FAM162B: variants seen among roughly 807,000 people sequenced by gnomAD.
The protein encoded by FAM162B is family with sequence similarity 162 member B.
Under a neutral mutation model 20.0 loss-of-function variants are expected in FAM162B, and 16 were observed. That is an observed-to-expected ratio of 0.80 (90% CI 0.54 to 1.21). The LOEUF (loss-of-function observed/expected upper bound fraction) is 1.21, where lower values mean the gene tolerates loss of function less well. Ranked by LOEUF, FAM162B falls within the 50% of genes most tolerant of loss-of-function variation. The probability of loss-of-function intolerance (pLI) is 0.00; values close to 1 mark genes in which losing one functional copy is unlikely to be tolerated. For synonymous variants in FAM162B, 83 were observed against 89.7 expected (o/e 0.93, Z 0.42); for missense variants, 260 against 227.5 (o/e 1.14, Z -0.92).
intron 3 of FAM162B, 35 bp from the exon 4 acceptor site, chr6:116,752,730 ATATAGATACACG>A: frequency 1.7e-6 from 1 of 598,090 alleles, no homozygotes. Context: ...ATATATATAT[ATATAGATACACG>A]TATATATATA....
chr6:116,765,272 C>T lies in FAM162B; in HGVS notation c.173-17G>A, dbSNP rs375179398. Reference sequence around the variant, plus strand: ...GAATCTCCCCTGCAGCGAAAGCAACCCAGATGGACGCGGGAACTGACGCAC... The same window carrying T: ...GAATCTCCCCTGCAGCGAAAGCAACTCAGATGGACGCGGGAACTGACGCAC... On this transcript the variant is annotated splice_polypyrimidine_tract_variant and intron_variant, in intron 1 of 3. Coordinates refer to ENST00000368557, the MANE Select transcript of FAM162B (RefSeq NM_001085480.3). The T allele has an allele frequency of 7.4e-6, 12 of 1,611,492 alleles. No individual in the cohort carries two copies. The African/African-American group carries it at 1.6e-4, about 22-fold the overall frequency.
At chr6:116,760,811 G>A (rs1246331897) in intron 3 of FAM162B, among the ~76,000 whole-genome samples, 2 of 152,090 alleles carry the variant, frequency 1.3e-5, no homozygotes, top group Non-Finnish European at 2.9e-5. Context: ...AATATCAGTA[G>A]GCTTGTAAGT....
At chr6:116,760,338 C>A (rs1780125754) in intron 3 of FAM162B, among the ~76,000 whole-genome samples, 1 of 152,002 alleles carries the variant, frequency 6.6e-6, no homozygotes, top group African/African-American at 2.4e-5. Flanking sequence ...GGAATTTTAA[C>A]AGGAAATGAA....
Position 116,752,579 on chromosome 6 carries a change from A to C in FAM162B, c.*18T>G. ...TGACAGGGATGGTATTCAGGTGAAC[A>C]CTTTGTCACTTAGAATATCATTTAG... On this transcript the variant is annotated 3_prime_UTR_variant, in exon 4 of 4. Coordinates refer to ENST00000368557, the MANE Select transcript of FAM162B (RefSeq NM_001085480.3). The C allele has an allele frequency of 6.7e-7, 1 of 1,482,912 alleles. No homozygotes were observed. Among genetic ancestry groups the C allele is most frequent in the Non-Finnish European group, 9.2e-7 (1 of 1,082,104 alleles). 91.9% of individuals were successfully genotyped at this position (1,482,912 alleles called of 1,614,324 possible). A position where few individuals can be genotyped will look rare whatever the true frequency, so the allele number is the denominator to read the frequency against.
intron 3 of FAM162B, among the ~76,000 whole-genome samples, chr6:116,757,455 C>T (rs1031757437): frequency 4.6e-5 from 7 of 151,944 alleles, no homozygotes; most frequent in African/African-American, 1.7e-4. Flanking sequence ...AAACAAAGTA[C>T]AATTTATTGG....
chr6:116,761,051 G>A (rs1176158297), intron 3 of FAM162B, among the ~76,000 whole-genome samples: 8 of 152,184 alleles, frequency 5.3e-5, no homozygotes, highest in East Asian at 1.9e-4. Flanking sequence ...CAGGTGCCAC[G>A]ATGAGGAGGG....
intron 3 of FAM162B, among the ~76,000 whole-genome samples, chr6:116,755,507 G>GCAGCAAGTGCTAATAGAGAAGCTA (rs1425561874): frequency 6.6e-6 from 1 of 152,238 alleles, no homozygotes; most frequent in Non-Finnish European, 1.5e-5. Flanking sequence ...GCAAGGTGAA[G>GCAGCAAGTGCTAATAGAGAAGCTA]CAGCAAGTGC....
At chr6:116,756,250 A>T (rs1407876048) in intron 3 of FAM162B, among the ~76,000 whole-genome samples, 2 of 152,206 alleles carry the variant, frequency 1.3e-5, no homozygotes, top group African/African-American at 4.8e-5. Flanking sequence ...GACGAAGCTG[A>T]TTCCAATCCT....
Position 116,761,993 on chromosome 6 carries a change from A to G in FAM162B, c.374T>C (p.Ile125Thr), listed in dbSNP as rs1206564487. ...GLTIIACFAV[I>T]VSAKRAVERH... is the part of the protein sequence containing the mutation. ...GATACTCACCCTTTTGGCTGACACTATCACAGCAAAGCAGGCGATAATTGT... is the reference window on the plus strand; with the variant it reads ...GATACTCACCCTTTTGGCTGACACTGTCACAGCAAAGCAGGCGATAATTGT... The change falls in exon 3 of 4, where the codon ATA becomes ACA. Residue 125 changes from isoleucine to threonine, a missense_variant. Transcript: ENST00000368557. 1.9e-6 allele frequency: 3 copies of G among 1,598,118 alleles called. No homozygotes were observed. Among genetic ancestry groups the G allele is most frequent in the Admixed American group, 1.7e-5 (1 of 59,626 alleles).
chr6:116,752,606 T>G lies in FAM162B; in HGVS notation c.480A>C (p.Lys160Asn), dbSNP rs760706694. 9.4e-6 allele frequency: 15 copies of G among 1,590,022 alleles called. 1 individual carries two copies. The South Asian group carries it at 1.6e-4, about 17-fold the overall frequency. ...REEAALAAQAKAK is the reference protein window; with the variant it reads ...REEAALAAQANAK The stretch of plus-strand genomic sequence containing the variant: ...TTTGTCACTTAGAATATCATTTAGC[T>G]TTAGCCTGTGCAGCCAATGCAGCTT... The change falls in exon 4 of 4, where the codon AAA becomes AAC. Residue 160 changes from lysine (K) to asparagine (N), a missense_variant. Transcript: ENST00000368557.
At chr6:116,754,587 TG>T (rs1000534481) in intron 3 of FAM162B, among the ~76,000 whole-genome samples, 6 of 152,210 alleles carry the variant, frequency 3.9e-5, no homozygotes, top group African/African-American at 1.4e-4. Flanking sequence ...TGTCAGGAGT[TG>T]GAGATATCTT....
chr6:116,757,526 G>A (rs934248319), intron 3 of FAM162B, among the ~76,000 whole-genome samples: 5 of 152,042 alleles, frequency 3.3e-5, no homozygotes, highest in African/African-American at 1.2e-4. Context: ...CAGGAGGATC[G>A]CTTTGAGTTT....
chr6:116,761,557 T>C (rs1780141878), intron 3 of FAM162B, among the ~76,000 whole-genome samples: 1 of 150,770 alleles, frequency 6.6e-6, no homozygotes, highest in Non-Finnish European at 1.5e-5. Flanking sequence ...GGCCATATAG[T>C]GTTAATTTGT....
In FAM162B at chr6:116,765,437, C is replaced by A; in HGVS notation, c.140G>T (p.Gly47Val). The A allele has an allele frequency of 6.9e-7, 1 of 1,448,388 alleles. No individual in the cohort carries two copies. The highest frequency in any genetic ancestry group is 1.4e-5 in the African/African-American group (1 of 69,266). 89.7% of individuals were successfully genotyped at this position (1,448,388 alleles called of 1,614,324 possible). A position where few individuals can be genotyped will look rare whatever the true frequency, so the allele number is the denominator to read the frequency against. Residue 47 changes from glycine (G) to valine (V), a missense_variant, in exon 1 of 4, where the codon GGG becomes GTG. Physicochemically the swap from Gly to Val is moderately radical, Grantham distance 109. Coordinates refer to ENST00000368557, the MANE Select transcript of FAM162B (RefSeq NM_001085480.3). ...TTGGGGCCCAGAATTGCTGGGGGCCCCGCCGCTGGAGTAGCAGGGGAGACC... is the reference window on the plus strand; with the variant it reads ...TTGGGGCCCAGAATTGCTGGGGGCCACGCCGCTGGAGTAGCAGGGGAGACC... ...PRGLPCYSSG[G>V]APSNSGPQGH...
chr6:116,752,575 G>T lies in FAM162B; in HGVS notation c.*22C>A. 1 of 1,424,556 alleles carries T rather than the reference G, an allele frequency of 7.0e-7. No individual in the cohort carries two copies. The highest frequency in any genetic ancestry group is 9.7e-7 in the Non-Finnish European group (1 of 1,034,288). 88.2% of individuals were successfully genotyped at this position (1,424,556 alleles called of 1,614,324 possible). A position where few individuals can be genotyped will look rare whatever the true frequency, so the allele number is the denominator to read the frequency against. ...CTGATGACAGGGATGGTATTCAGGTGAACACTTTGTCACTTAGAATATCAT... is the reference window on the plus strand; with the variant it reads ...CTGATGACAGGGATGGTATTCAGGTTAACACTTTGTCACTTAGAATATCAT... On this transcript the variant is annotated 3_prime_UTR_variant, in exon 4 of 4. Coordinates refer to ENST00000368557, the MANE Select transcript of FAM162B (RefSeq NM_001085480.3).
chr6:116,765,179 G>T lies in FAM162B; in HGVS notation c.249C>A (p.Phe83Leu), dbSNP rs1339932457. ...DKKILLWTGR[F>L]KSMEEIPPRI... ...GAGGCGGGATCTCCTCCATCGATTT[G>T]AAACGCCCTGTCCACAGCAGGATTT... The change falls in exon 2 of 4, where the codon TTC (phenylalanine) becomes TTA (leucine). Residue 83 changes from phenylalanine to leucine, a missense_variant. Physicochemically the swap from Phe to Leu is conservative, Grantham distance 22. Coordinates refer to ENST00000368557, the MANE Select transcript of FAM162B (RefSeq NM_001085480.3). 2 of 1,613,740 alleles carry T rather than the reference G, an allele frequency of 1.2e-6. No individual in the cohort carries two copies. Among genetic ancestry groups the T allele is most frequent in the Non-Finnish European group, 1.7e-6 (2 of 1,179,960 alleles).
At position 116,752,634 on chromosome 6, in the gene FAM162B, T is replaced by C. The variant is rs765665006; in HGVS notation, c.452A>G (p.Glu151Gly). 1 of 1,595,534 alleles carries C rather than the reference T, an allele frequency of 6.3e-7. No individual in the cohort carries two copies. Among genetic ancestry groups the C allele is most frequent in the South Asian group, 1.1e-5 (1 of 88,428 alleles). ...WNLAKKAKWREEAALAAQAKA... is the reference protein window; with the variant it reads ...WNLAKKAKWRGEAALAAQAKA... Reference sequence around the variant, plus strand: ...AGCCTGTGCAGCCAATGCAGCTTCTTCACGCCACTTAGCTTTCTTTGCCAA... The same window carrying C: ...AGCCTGTGCAGCCAATGCAGCTTCTCCACGCCACTTAGCTTTCTTTGCCAA... Residue 151 changes from glutamate to glycine, a missense_variant, in exon 4 of 4, where the codon GAA becomes GGA. Transcript: ENST00000368557.
intron 3 of FAM162B, among the ~76,000 whole-genome samples, chr6:116,759,786 T>C (rs1780116901): frequency 6.6e-6 from 1 of 152,142 alleles, no homozygotes; most frequent in African/African-American, 2.4e-5. Flanking sequence ...CATCTTCTCT[T>C]TGCTCATTAT....
At chr6:116,765,067 G>T (rs538117975) in intron 2 of FAM162B, 80 bp downstream of exon 2, 3 of 1,400,956 alleles carry the variant, frequency 2.1e-6, no homozygotes, top group South Asian at 1.1e-5. Flanking sequence ...CTCCTAGGTG[G>T]CCGCGGTCGG....
Sources: allele counts gnomAD v4.1 joint callset (sites outside exome capture counted in the v4.1 genomes callset), GRCh38; gene constraint gnomAD v4.1.1; transcripts MANE v1.5; gene names NCBI Gene and HGNC (gene_info 2026-07-23, HGNC 2026-07-21).